Variants in TACC3 observed in about 807,000 individuals in gnomAD.
TACC3 encodes transforming acidic coiled-coil containing protein 3, also known as transforming acidic coiled-coil-containing protein 3.
In TACC3, 52 loss-of-function variants were observed where a neutral mutation model predicts 86.0. That is an observed-to-expected ratio of 0.60 (90% CI 0.48 to 0.76). TACC3 has a LOEUF of 0.76. Ranked by LOEUF, TACC3 falls within the 30% of genes least tolerant of loss-of-function variation. The pLI is 0.00. For synonymous variants in TACC3, 512 were observed against 430.0 expected (o/e 1.19, Z -2.36); for missense variants, 1,120 against 1,070.4 (o/e 1.05, Z -0.65).
chr4:1,728,669 A>G lies in TACC3; in HGVS notation c.1267A>G (p.Lys423Glu), dbSNP rs1717844186. ...PNFIPFGGDTKSGCSEAQPPE... is the reference protein window; with the variant it reads ...PNFIPFGGDTESGCSEAQPPE... ...CTTCATCCCGTTCGGAGGTGACACC[A>G]AGTCTGGTTGCAGTGAGGCCCAGCC... Residue 423 changes from lysine (K) to glutamate (E), a missense_variant, in exon 4 of 16, where the codon AAG (lysine) becomes GAG (glutamate). Physicochemically the swap from Lys to Glu is moderately conservative, Grantham distance 56. Transcript: ENST00000313288. The G allele has an allele frequency of 6.2e-7, 1 of 1,613,696 alleles. No homozygotes were observed. Among genetic ancestry groups the G allele is most frequent in the Non-Finnish European group, 8.5e-7 (1 of 1,180,022 alleles).
Position 1,737,606 on chromosome 4 carries a change from C to T in TACC3, c.1845C>T (p.Gly615=). The T allele has an allele frequency of 6.6e-7, 1 of 1,512,026 alleles. No homozygotes were observed. The highest frequency in any genetic ancestry group is 1.4e-5 in the African/African-American group (1 of 72,158). 93.7% of individuals were successfully genotyped at this position (1,512,026 alleles called of 1,614,324 possible). A position where few individuals can be genotyped will look rare whatever the true frequency, so the allele number is the denominator to read the frequency against. Residue 615 remains glycine (G), a synonymous_variant, in exon 10 of 16, where the codon GGC becomes GGT. Transcript: ENST00000313288. ...ATCCCCATCTCCCGCAGGTGCCAGG[C>T]CCACCCCCAGGTGTTCCCGCGCCTG... ...FLGALDIPVP[G]PPPGVPAPGG... is the part of the protein sequence containing the mutation.
At chr4:1,741,913 C>T (rs1042508145) in intron 13 of TACC3, 15 of 152,184 alleles carry the variant, frequency 9.9e-5, no homozygotes, top group African/African-American at 3.6e-4. Flanking sequence ...GTGAAAGGAA[C>T]AGGAAACATG....
chr4:1,735,545 A>C lies in TACC3; in HGVS notation c.1645-186A>C, dbSNP rs1008714375. On this transcript the variant is annotated intron_variant, in intron 7 of 15. Coordinates refer to ENST00000313288, the MANE Select transcript of TACC3 (RefSeq NM_006342.3). The surrounding 1 kb of genome is among the most constrained non-coding windows in gnomAD (Gnocchi z 4.2). Reference sequence around the variant, plus strand: ...GGGCTCTCTACCTGGTGCCTAGCCCAGGATGAAACTCTGACACGCTGTGCT... The same window carrying C: ...GGGCTCTCTACCTGGTGCCTAGCCCCGGATGAAACTCTGACACGCTGTGCT... 6.6e-6 allele frequency among the ~76,000 whole-genome samples: 1 copy of C among 151,946 alleles called. No individual in the cohort carries two copies. The highest frequency in any genetic ancestry group is 1.5e-5 in the Non-Finnish European group (1 of 67,960).
In TACC3 at chr4:1,740,763, G is replaced by A. The variant is rs903592304; in HGVS notation, c.2063-63G>A. The A allele has an allele frequency of 2.7e-6, 4 of 1,489,434 alleles. No homozygotes were observed. In the African/African-American group the frequency reaches 5.6e-5, roughly 21 times the overall value. 92.3% of individuals were successfully genotyped at this position (1,489,434 alleles called of 1,614,324 possible). ...AGTCCCTTGCCTCATTCCTTGGGCT[G>A]TCTCTGGCACCCATCGTTTCGGTTG... On this transcript the variant is annotated intron_variant, in intron 12 of 15. Coordinates refer to ENST00000313288, the MANE Select transcript of TACC3 (RefSeq NM_006342.3).
rs1577218640 is a variant in TACC3, at chr4:1,735,962, G to A, written c.1748+128G>A. The A allele has an allele frequency of 1.4e-6, 1 of 701,250 alleles. No homozygotes were observed. Among genetic ancestry groups the A allele is most frequent in the East Asian group, 2.8e-5 (1 of 35,898 alleles). The allele number at this position is 701,250 out of a possible 1,614,324, so 43.4% of individuals were successfully genotyped here. On this transcript the variant is annotated intron_variant, in intron 8 of 15. Transcript: ENST00000313288. The surrounding 1 kb of genome is among the most constrained non-coding windows in gnomAD (Gnocchi z 4.2). ...AGATGATCAGAACTGGAAAGGAGCT[G>A]TGCTAGGGGTGGGCTGGGCAGCAAG...
Position 1,735,470 on chromosome 4 carries a change from G to A in TACC3, c.1644+145G>A, listed in dbSNP as rs1718208710. 3.1e-6 allele frequency: 3 copies of A among 960,298 alleles called. No homozygotes were observed. The highest frequency in any genetic ancestry group is 4.8e-6 in the Non-Finnish European group (3 of 626,694). The allele number at this position is 960,298 out of a possible 1,614,324, so 59.5% of individuals were successfully genotyped here. ...GCATTGTGGCGGGCTGTGAATCCAGGGCCCCTTCTGCAGCACCTCCTCTAA... is the reference window on the plus strand; with the variant it reads ...GCATTGTGGCGGGCTGTGAATCCAGAGCCCCTTCTGCAGCACCTCCTCTAA... On this transcript the variant is annotated intron_variant, in intron 7 of 15. Coordinates refer to ENST00000313288, the MANE Select transcript of TACC3 (RefSeq NM_006342.3). This position sits in a 1 kb window ranked among gnomAD's most constrained non-coding sequence, Gnocchi z 4.2.
At chr4:1,727,064 G>A (rs1042843510) in intron 3 of TACC3, among the ~76,000 whole-genome samples, 1 of 151,994 alleles carries the variant, frequency 6.6e-6, no homozygotes, top group African/African-American at 2.4e-5. Flanking sequence ...CCCAGAGGTG[G>A]AGGTTGCAGT....
intron 13 of TACC3, among the ~76,000 whole-genome samples, chr4:1,742,718 G>C (rs1353514048): frequency 6.6e-6 from 1 of 151,376 alleles, no homozygotes; most frequent in African/African-American, 2.4e-5. Flanking sequence ...AGAATCACTT[G>C]AACCCAGGAA....
At chr4:1,740,671 C>G in intron 12 of TACC3, 155 bp from the exon 13 acceptor site, 2 of 656,746 alleles carry the variant, frequency 3.0e-6, no homozygotes, top group South Asian at 3.7e-5. Context: ...CCTAGAAGAT[C>G]CTGGGTGGAG....
intron 4 of TACC3, 84 bp from the exon 5 acceptor site, chr4:1,730,803 G>A: frequency 2.8e-6 from 4 of 1,437,010 alleles, no homozygotes; most frequent in Non-Finnish European, 2.9e-6. Flanking sequence ...TGCAGGGAAA[G>A]GCGATGGCAG....
chr4:1,725,131 C>T (rs1405669765), intron 3 of TACC3, among the ~76,000 whole-genome samples: 1 of 151,818 alleles, frequency 6.6e-6, no homozygotes, highest in African/African-American at 2.4e-5. Context: ...GGGGTTTATC[C>T]GTGTTGGTCA....
intron 8 of TACC3, among the ~76,000 whole-genome samples, chr4:1,736,177 A>T (rs967782830): frequency 6.6e-6 from 1 of 152,096 alleles, no homozygotes; most frequent in Non-Finnish European, 1.5e-5. Flanking sequence ...TAATCCCAGC[A>T]CTTTGGGAGG....
In TACC3 at chr4:1,723,476, A is replaced by G; in HGVS notation, c.55A>G (p.Asn19Asp). 1 of 1,613,658 alleles carries G rather than the reference A, an allele frequency of 6.2e-7. No individual in the cohort carries two copies. Among genetic ancestry groups the G allele is most frequent in the Non-Finnish European group, 8.5e-7 (1 of 1,179,988 alleles). ...TGTCAGCAATGAAAAAAATACAGAA[A>G]ATTGCGACTTCCTGTTTTCGCCACC... The part of the protein sequence containing the change: ...KNVSNEKNTE[N>D]CDFLFSPPEV... The change falls in exon 2 of 16, where the codon AAT (asparagine) becomes GAT (aspartate). Residue 19 changes from asparagine to aspartate, a missense_variant. Asn to Asp is a conservative substitution (Grantham distance 23). Coordinates refer to ENST00000313288, the MANE Select transcript of TACC3 (RefSeq NM_006342.3).
In TACC3 at chr4:1,744,848, C is replaced by T; in HGVS notation, c.2451+16C>T. On this transcript the variant is annotated intron_variant, in intron 15 of 15. Coordinates refer to ENST00000313288, the MANE Select transcript of TACC3 (RefSeq NM_006342.3). ...GGAGCAGAAGGTGGGTGCGGGAAGC[C>T]CAGCTCAAGGGGCCGTCTGGCAGCA... The T allele has an allele frequency of 1.9e-6, 3 of 1,612,920 alleles. No individual in the cohort carries two copies. The highest frequency in any genetic ancestry group is 2.5e-6 in the Non-Finnish European group (3 of 1,180,008).
In TACC3 at chr4:1,727,991, C is replaced by T; in HGVS notation, c.589C>T (p.Pro197Ser). 6.2e-7 allele frequency: 1 copy of T among 1,613,348 alleles called. No homozygotes were observed. The highest frequency in any genetic ancestry group is 8.5e-7 in the Non-Finnish European group (1 of 1,180,038). The change falls in exon 4 of 16, where the codon CCC (proline) becomes TCC (serine). Residue 197 changes from proline to serine, a missense_variant. Transcript: ENST00000313288. ...SSYSLDRRVT[P>S]ASETLEDPCR... ...CTATTCCTTAGACAGAAGAGTGACA[C>T]CCGCCTCTGAGACCCTAGAAGACCC...
chr4:1,722,767 G>C (rs1294682491), intron 1 of TACC3, among the ~76,000 whole-genome samples: 1 of 152,174 alleles, frequency 6.6e-6, no homozygotes. Flanking sequence ...ACCGGCGTGA[G>C]GACCTGGGCA....
At chr4:1,743,254 CAAAAAA>C (rs60854843) in intron 13 of TACC3, among the ~76,000 whole-genome samples, 38,912 of 104,528 alleles carry the variant, frequency 0.37, 5,331 homozygotes, top group African/African-American at 0.45. Context: ...GACTCCGTCT[CAAAAAA>C]AAAAAAAAAA....
rs181825465 is a variant in TACC3 at position 1,731,148 on chromosome 4, G to A, written c.1462-24G>A. On this transcript the variant is annotated intron_variant, in intron 5 of 15. Transcript: ENST00000313288. Reference sequence around the variant, plus strand: ...CCAAGTACCTTGACTGCACTGCACAGGGTGACTCTGCCCTTTCCTCCAGGA... The same window carrying A: ...CCAAGTACCTTGACTGCACTGCACAAGGTGACTCTGCCCTTTCCTCCAGGA... 1.4e-5 allele frequency: 23 copies of A among 1,612,778 alleles called. No individual in the cohort carries two copies. In the East Asian group the frequency reaches 5.1e-4, roughly 36 times the overall value.
intron 13 of TACC3, chr4:1,741,239 A>C (rs1395876740): frequency 1.1e-5 from 4 of 373,428 alleles, no homozygotes; most frequent in Non-Finnish European, 1.9e-5. Context: ...TGTGTGACAG[A>C]CGACTCGGCT....
Sources: gnomAD v4.1 joint callset for allele counts (sites outside exome capture counted in the v4.1 genomes callset) on GRCh38, gnomAD v4.1.1 for gene constraint, Gnocchi (gnomAD v3.1) non-coding constraint, MANE v1.5 for transcripts, NCBI Gene and HGNC (gene_info 2026-07-23, HGNC 2026-07-21) for gene names.